BNIP1: variants seen among roughly 807,000 people sequenced by gnomAD.
BNIP1 encodes BCL2 interacting protein 1, also known as vesicle transport protein SEC20.
Under a neutral mutation model 28.5 loss-of-function variants are expected in BNIP1, and 25 were observed. That is an observed-to-expected ratio of 0.88 (90% CI 0.64 to 1.23). BNIP1 has a LOEUF of 1.23. Among genes scored for constraint, BNIP1 ranks in the 50% most tolerant of loss-of-function variants. BNIP1 has a pLI of 0.00. For missense variants in BNIP1, 276 were observed against 277.0 expected (o/e 1.00, Z 0.02); for synonymous variants, 118 against 101.7 (o/e 1.16, Z -0.96).
intron 2 of BNIP1, among the ~76,000 whole-genome samples, chr5:173,150,563 T>G (rs1381138595): frequency 6.6e-6 from 1 of 152,210 alleles, no homozygotes; most frequent in East Asian, 1.9e-4. Context: ...ATCATCTTAA[T>G]TTTTTATTTT....
At chr5:173,145,441 G>T (rs1409659026) in intron 1 of BNIP1, among the ~76,000 whole-genome samples, 1 of 152,162 alleles carries the variant, frequency 6.6e-6, no homozygotes, top group African/African-American at 2.4e-5. Context: ...TCGCTCTGTC[G>T]CCCAGGCTGG....
intron 1 of BNIP1, among the ~76,000 whole-genome samples, chr5:173,146,191 A>G (rs1000436140): frequency 2.0e-5 from 3 of 152,222 alleles, no homozygotes; most frequent in South Asian, 2.1e-4. Flanking sequence ...ATGATGTTCT[A>G]TGAGGTAAGT....
At chr5:173,157,143 C>T (rs1760224437) in intron 3 of BNIP1, among the ~76,000 whole-genome samples, 2 of 152,082 alleles carry the variant, frequency 1.3e-5, no homozygotes, top group Non-Finnish European at 2.9e-5. Flanking sequence ...TCCCAGGGTC[C>T]TGCAGAACCC....
intron 4 of BNIP1, 64 bp from the exon 5 acceptor site, chr5:173,159,865 ATGTG>A: frequency 2.4e-6 from 3 of 1,267,192 alleles, no homozygotes; most frequent in Non-Finnish European, 3.4e-6. Flanking sequence ...TCTCATTTGG[ATGTG>A]GGGCCTTCTT....
At chr5:173,156,223 A>C (rs1375585822) in intron 3 of BNIP1, among the ~76,000 whole-genome samples, 1 of 152,210 alleles carries the variant, frequency 6.6e-6, no homozygotes, top group Admixed American at 6.5e-5. Context: ...ATAAACACTG[A>C]GTACAGAGGA....
intron 5 of BNIP1, among the ~76,000 whole-genome samples, chr5:173,160,309 A>T (rs972584303): frequency 6.0e-5 from 9 of 150,638 alleles, no homozygotes; most frequent in Non-Finnish European, 1.0e-4. Flanking sequence ...ATCTCAGCTC[A>T]CCGCAACCTC....
chr5:173,163,823 C>A lies in BNIP1; in HGVS notation c.589C>A (p.Arg197=). ...GAAGCTTATCACAAAATACAATCGC[C>A]GGGAGCTGACGGACAAGCTTCTCAT... The part of the protein sequence containing the change: ...GRKLITKYNR[R]ELTDKLLIFL... The change falls in exon 6 of 6, where the codon CGG becomes AGG. Residue 197 remains arginine, a synonymous_variant. Coordinates refer to ENST00000351486, the MANE Select transcript of BNIP1 (RefSeq NM_001205.3). 1 of 1,613,968 alleles carries A rather than the reference C, an allele frequency of 6.2e-7. No homozygotes were observed. Among genetic ancestry groups the A allele is most frequent in the Non-Finnish European group, 8.5e-7 (1 of 1,179,944 alleles).
At chr5:173,163,575 C>T (rs1760424475) in intron 5 of BNIP1, 150 bp from the exon 6 acceptor site, 1 of 660,770 alleles carries the variant, frequency 1.5e-6, no homozygotes, top group Non-Finnish European at 2.4e-6. Context: ...TCCTTGTCAG[C>T]TCCTTGGCTG....
At chr5:173,158,462 AG>A (rs1311925845) in intron 3 of BNIP1, among the ~76,000 whole-genome samples, 1 of 152,226 alleles carries the variant, frequency 6.6e-6, no homozygotes, top group African/African-American at 2.4e-5. Context: ...CTGTGCACAG[AG>A]GAGTGCCATG....
At chr5:173,153,670 G>A (rs1760093035) in intron 2 of BNIP1, among the ~76,000 whole-genome samples, 1 of 151,336 alleles carries the variant, frequency 6.6e-6, no homozygotes, top group Non-Finnish European at 1.5e-5. Context: ...CCCTCTATTT[G>A]GAACTCATAG....
At chr5:173,160,820 T>C in intron 5 of BNIP1, 1 of 456,252 alleles carries the variant, frequency 2.2e-6, no homozygotes, top group South Asian at 1.5e-5. Flanking sequence ...ATTTTTCCTA[T>C]GAGTTCCTTT....
intron 2 of BNIP1, among the ~76,000 whole-genome samples, chr5:173,148,781 T>C (rs564051728): frequency 9.0e-4 from 137 of 152,044 alleles, no homozygotes; most frequent in Non-Finnish European, 1.6e-3. Context: ...TTATTCAAAT[T>C]TGAGATAATT....
At chr5:173,157,250 A>G (rs1760227296) in intron 3 of BNIP1, among the ~76,000 whole-genome samples, 1 of 152,174 alleles carries the variant, frequency 6.6e-6, no homozygotes, top group Non-Finnish European at 1.5e-5. Flanking sequence ...TAAAGGTGCT[A>G]TTAGAAAACC....
chr5:173,163,932 G>A lies in BNIP1; in HGVS notation c.*11G>A, dbSNP rs547671371. The A allele has an allele frequency of 6.3e-7, 1 of 1,592,826 alleles. No individual in the cohort carries two copies. The highest frequency in any genetic ancestry group is 2.2e-5 in the East Asian group (1 of 44,450). ...TTTCCATTTTTGTGAGATCCCAAAG[G>A]TGCCAGTTCTGGCCCTTTCAGCTCC... On this transcript the variant is annotated 3_prime_UTR_variant, in exon 6 of 6. Transcript: ENST00000351486.
chr5:173,147,615 G>A (rs1450452804), intron 2 of BNIP1, among the ~76,000 whole-genome samples: 2 of 151,122 alleles, frequency 1.3e-5, no homozygotes, highest in African/African-American at 4.9e-5. Flanking sequence ...ACTTTGCTCA[G>A]CATCTTCCTT....
At chr5:173,153,837 T>A (rs557544956) in intron 2 of BNIP1, among the ~76,000 whole-genome samples, 39 of 152,314 alleles carry the variant, frequency 2.6e-4, no homozygotes, top group African/African-American at 7.7e-4. Context: ...GGGCTTCATT[T>A]TTCTGTCCCT....
chr5:173,151,733 C>G, intron 2 of BNIP1: 3 of 1,609,850 alleles, frequency 1.9e-6, no homozygotes, highest in Non-Finnish European at 2.5e-6. Flanking sequence ...TCTGGGTGCC[C>G]ACCCAGTGTT....
rs1282768305 is a variant in BNIP1, at chr5:173,164,081, G to A, written c.*160G>A. 3 of 674,060 alleles carry A rather than the reference G, an allele frequency of 4.5e-6. No homozygotes were observed. Among genetic ancestry groups the A allele is most frequent in the African/African-American group, 1.8e-5 (1 of 54,782 alleles). The allele number at this position is 674,060 out of a possible 1,614,324, so 41.8% of individuals were successfully genotyped here. A position where few individuals can be genotyped will look rare whatever the true frequency, so the allele number is the denominator to read the frequency against. ...GTGCCCCACTTTTCTGCAAGTAGCT[G>A]GCTTGTAAAGGGTGAACAGAGCCAT... On this transcript the variant is annotated 3_prime_UTR_variant, in exon 6 of 6. Coordinates refer to ENST00000351486, the MANE Select transcript of BNIP1 (RefSeq NM_001205.3). The surrounding 1 kb of genome is among the most constrained non-coding windows in gnomAD (Gnocchi z 4.0).
At chr5:173,160,377 G>A (rs986376738) in intron 5 of BNIP1, among the ~76,000 whole-genome samples, 10 of 151,950 alleles carry the variant, frequency 6.6e-5, no homozygotes, top group Non-Finnish European at 1.2e-4. Context: ...TGGGATTACC[G>A]GCCTGCACCA....
Sources: gnomAD v4.1 joint callset for allele counts (sites outside exome capture counted in the v4.1 genomes callset) on GRCh38, gnomAD v4.1.1 for gene constraint, Gnocchi (gnomAD v3.1) non-coding constraint, MANE v1.5 for transcripts, NCBI Gene and HGNC (gene_info 2026-07-23, HGNC 2026-07-21) for gene names.